PDE10A: variants seen among roughly 807,000 people sequenced by gnomAD.
PDE10A encodes the protein cAMP and cAMP-inhibited cGMP 3',5'-cyclic phosphodiesterase 10A.
In PDE10A, 39 loss-of-function variants were observed where a neutral mutation model predicts 97.7. The ratio of observed to expected loss-of-function variants is 0.40; its 90% CI spans 0.31 to 0.52. The LOEUF (loss-of-function observed/expected upper bound fraction) is 0.52. Among genes scored for constraint, PDE10A ranks in the 20% least tolerant of loss-of-function variants. The probability of loss-of-function intolerance (pLI) is 0.56; values close to 1 mark genes in which losing one functional copy is unlikely to be tolerated. For synonymous variants in PDE10A, 371 were observed against 376.8 expected (o/e 0.98, Z 0.18); for missense variants, 731 against 1,047.8 (o/e 0.70, Z 4.17).
At chr6:165,718,178 C>T (rs528671872) in intron 1 of PDE10A, 8 of 152,170 alleles carry the variant, frequency 5.3e-5, no homozygotes, top group Admixed American at 3.9e-4. Flanking sequence ...AGTCTTGATG[C>T]TTTTTTCCTA....
chr6:165,685,627 A>C (rs1206013752), intron 1 of PDE10A, among the ~76,000 whole-genome samples: 2 of 151,802 alleles, frequency 1.3e-5, no homozygotes, highest in African/African-American at 2.4e-5. Flanking sequence ...CACAGCCCAC[A>C]CTCCTCTTTT....
intron 12 of PDE10A, among the ~76,000 whole-genome samples, chr6:165,415,741 T>TGCTA (rs1405623978): frequency 2.0e-5 from 3 of 152,208 alleles, no homozygotes; most frequent in African/African-American, 7.2e-5. Context: ...AAGTAACTTA[T>TGCTA]GCTAGGTCAG....
At chr6:165,618,744 C>T (rs967842118) in intron 1 of PDE10A, among the ~76,000 whole-genome samples, 1 of 152,216 alleles carries the variant, frequency 6.6e-6, no homozygotes, top group Non-Finnish European at 1.5e-5. Context: ...TGTACAGCTT[C>T]CCCTCCTCTT....
chr6:165,577,774 G>A (rs1353980263), intron 1 of PDE10A, among the ~76,000 whole-genome samples: 1 of 152,220 alleles, frequency 6.6e-6, no homozygotes, highest in Non-Finnish European at 1.5e-5. Context: ...AGGCACTTCT[G>A]ATGACATCAT....
At chr6:165,987,414 T>G in intron 1 of PDE10A, 7 of 294,642 alleles carry the variant, frequency 2.4e-5, no homozygotes, top group East Asian at 9.5e-5. Flanking sequence ...CCAAAAAGGG[T>G]GGAGGGAAAG....
intron 1 of PDE10A, among the ~76,000 whole-genome samples, chr6:165,898,914 G>T (rs966590753): frequency 3.9e-5 from 6 of 152,206 alleles, no homozygotes; most frequent in Admixed American, 2.0e-4. Context: ...AGATGTCTGT[G>T]TGCATCATTC....
At chr6:165,801,725 A>G (rs1778993401) in intron 1 of PDE10A, among the ~76,000 whole-genome samples, 1 of 152,220 alleles carries the variant, frequency 6.6e-6, no homozygotes, top group South Asian at 2.1e-4. Context: ...CTGTAGAGCT[A>G]TATGGACAAT....
intron 13 of PDE10A, among the ~76,000 whole-genome samples, chr6:165,412,964 G>C (rs1225466938): frequency 6.6e-6 from 1 of 152,048 alleles, no homozygotes; most frequent in Admixed American, 6.5e-5. Flanking sequence ...AGTGAGACTT[G>C]AGAATGCACA....
intron 19 of PDE10A, among the ~76,000 whole-genome samples, chr6:165,339,704 T>G (rs936462781): frequency 6.6e-6 from 1 of 152,196 alleles, no homozygotes; most frequent in Non-Finnish European, 1.5e-5. Flanking sequence ...CCTTCTCTCT[T>G]CCAAATGATC....
intron 13 of PDE10A, among the ~76,000 whole-genome samples, chr6:165,411,109 A>G (rs1450656226): frequency 7.3e-6 from 1 of 137,162 alleles, no homozygotes; most frequent in Non-Finnish European, 1.6e-5. Context: ...AAAAAAAAAA[A>G]GAAATATCCT....
chr6:165,647,615 T>A (rs1269669707), intron 1 of PDE10A, among the ~76,000 whole-genome samples: 1 of 152,186 alleles, frequency 6.6e-6, no homozygotes, highest in African/African-American at 2.4e-5. Flanking sequence ...GAAAGTGGAA[T>A]TGCTTGCGGA....
At chr6:165,944,091 C>T (rs9689816) in intron 1 of PDE10A, among the ~76,000 whole-genome samples, 6,377 of 152,332 alleles carry the variant, frequency 0.042, 480 homozygotes, top group African/African-American at 0.14. Context: ...ATGCCTCCTT[C>T]TTCACATGGC....
At chr6:165,708,683 C>A (rs948375889) in intron 1 of PDE10A, among the ~76,000 whole-genome samples, 4 of 151,710 alleles carry the variant, frequency 2.6e-5, no homozygotes, top group African/African-American at 9.7e-5. Context: ...CTCTCCCTCT[C>A]CATGCTCCTG....
chr6:165,956,822 T>G (rs1784147548), intron 1 of PDE10A, among the ~76,000 whole-genome samples: 1 of 152,204 alleles, frequency 6.6e-6, no homozygotes, highest in Admixed American at 6.5e-5. Context: ...GCAAGTGGGA[T>G]CTTAAGACCT....
intron 1 of PDE10A, among the ~76,000 whole-genome samples, chr6:165,734,815 A>C (rs770287213): frequency 1.3e-5 from 2 of 152,250 alleles, no homozygotes; most frequent in African/African-American, 2.4e-5. Flanking sequence ...TCACAGAGCC[A>C]GTAACAGATA....
chr6:165,825,703 T>C (rs557961336), intron 1 of PDE10A, among the ~76,000 whole-genome samples: 1 of 152,294 alleles, frequency 6.6e-6, no homozygotes, highest in Non-Finnish European at 1.5e-5. Flanking sequence ...ACTCCAGCCA[T>C]GGCTCCTGTG....
intron 1 of PDE10A, among the ~76,000 whole-genome samples, chr6:165,686,165 A>G (rs949493618): frequency 7.3e-6 from 1 of 136,714 alleles, no homozygotes; most frequent in Non-Finnish European, 1.6e-5. Context: ...ACACACACAC[A>G]CACACACAGG....
intron 1 of PDE10A, among the ~76,000 whole-genome samples, chr6:165,973,350 T>C (rs949128680): frequency 6.7e-6 from 1 of 150,314 alleles, no homozygotes; most frequent in African/African-American, 2.5e-5. Context: ...GAGGCGGAGG[T>C]GGCAGTGAGC....
At chr6:165,643,957 A>G (rs1317442923) in intron 1 of PDE10A, among the ~76,000 whole-genome samples, 1 of 152,234 alleles carries the variant, frequency 6.6e-6, no homozygotes, top group Non-Finnish European at 1.5e-5. Flanking sequence ...CTTCATAAAC[A>G]TATGCCATTA....
Sources: allele counts gnomAD v4.1 joint callset (sites outside exome capture counted in the v4.1 genomes callset), GRCh38; gene constraint gnomAD v4.1.1; transcripts MANE v1.5; gene names NCBI Gene and HGNC (gene_info 2026-07-23, HGNC 2026-07-21).